ATP11C: variants seen among roughly 807,000 people sequenced by gnomAD.
ATP11C encodes the protein ATPase phospholipid transporting 11C (ATP11C blood group).
In ATP11C, 36 loss-of-function variants were observed where a neutral mutation model predicts 97.4. The observed-to-expected ratio is 0.37, with a 90% CI of 0.28 to 0.49. The LOEUF (loss-of-function observed/expected upper bound fraction) is 0.49, where lower values mean the gene tolerates loss of function less well. Ranked by LOEUF, ATP11C falls within the 20% of genes least tolerant of loss-of-function variation. The pLI is 0.98. For missense variants in ATP11C, 730 were observed against 824.6 expected (o/e 0.89, Z 1.40); for synonymous variants, 275 against 290.9 (o/e 0.95, Z 0.56).
Position 139,925,011 on chromosome X carries a change from T to C in ATP11C, c.27+7005A>G, listed in dbSNP as rs758778050. Among the ~76,000 whole-genome samples the C allele has an allele frequency of 7.1e-5, 8 of 112,127 alleles. No homozygotes were observed. The South Asian group carries it at 2.6e-3, about 37-fold the overall frequency. ...CTGTCACAATTGGTATAGTGTTGAA[T>C]AGTCTACCAAACGTTTTTTTCAACA... On this transcript the variant is annotated intron_variant, in intron 1 of 29. Coordinates refer to ENST00000682941, the MANE Select transcript of ATP11C (RefSeq NM_001353812.2).
intron 1 of ATP11C, among the ~76,000 whole-genome samples, chrX:139,860,066 C>G (rs1396492221): frequency 1.4e-5 from 1 of 69,059 alleles, no homozygotes; most frequent in Non-Finnish European, 2.1e-5. Flanking sequence ...GATCCCGCCA[C>G]TGCACTCCAG....
intron 1 of ATP11C, among the ~76,000 whole-genome samples, chrX:139,903,634 A>T (rs1015267088): frequency 7.3e-5 from 8 of 109,172 alleles, no homozygotes; most frequent in African/African-American, 1.7e-4. Context: ...TATAAAAAAA[A>T]TTTTTTTAAG....
chrX:139,918,495 C>T (rs1046746918), intron 1 of ATP11C, among the ~76,000 whole-genome samples: 4 of 99,802 alleles, frequency 4.0e-5, no homozygotes, highest in East Asian at 3.2e-4. Flanking sequence ...AACTATAATC[C>T]CATATAATCC....
intron 1 of ATP11C, among the ~76,000 whole-genome samples, chrX:139,897,044 A>C (rs1360081474): frequency 9.2e-6 from 1 of 109,273 alleles, no homozygotes; most frequent in Non-Finnish European, 1.9e-5. Context: ...CCTGGGCAAA[A>C]TGGTGACATC....
chrX:139,832,036 T>C, intron 1 of ATP11C: 1 of 761,298 alleles, frequency 1.3e-6, no homozygotes, highest in Non-Finnish European at 1.9e-6. Flanking sequence ...CCATTTACGA[T>C]TACCCTCAGG....
At chrX:139,836,588 A>G (rs2083753989) in intron 1 of ATP11C, among the ~76,000 whole-genome samples, 1 of 111,727 alleles carries the variant, frequency 9.0e-6, no homozygotes, top group Non-Finnish European at 1.9e-5. Flanking sequence ...ACCTCATGAA[A>G]AGTCACAAAG....
intron 1 of ATP11C, among the ~76,000 whole-genome samples, chrX:139,861,363 T>C (rs1232966510): frequency 2.7e-5 from 3 of 111,919 alleles, no homozygotes; most frequent in Admixed American, 9.5e-5. Context: ...AAATACTGAT[T>C]TTGGCCAAGT....
At chrX:139,802,157 G>T in intron 7 of ATP11C, 79 bp downstream of exon 7, 1 of 700,065 alleles carries the variant, frequency 1.4e-6, no homozygotes, top group Non-Finnish European at 2.3e-6. Flanking sequence ...GTAAGTGGTG[G>T]GTGTTTCTTT....
intron 1 of ATP11C, among the ~76,000 whole-genome samples, chrX:139,848,601 G>C (rs1410890950): frequency 1.8e-5 from 2 of 110,056 alleles, no homozygotes; most frequent in African/African-American, 6.6e-5. Context: ...CTGGGCTCAA[G>C]TGATCTTCCC....
chrX:139,826,892 A>G, intron 1 of ATP11C, 69 bp from the exon 2 acceptor site: 1 of 1,091,921 alleles, frequency 9.2e-7, no homozygotes, highest in South Asian at 2.2e-5. Context: ...CAAGCCCATA[A>G]TTCTTGTCCA....
intron 20 of ATP11C, among the ~76,000 whole-genome samples, chrX:139,766,352 G>A (rs775716089): frequency 3.6e-5 from 4 of 111,903 alleles, no homozygotes; most frequent in Admixed American, 9.5e-5. Flanking sequence ...GAACCCAGGT[G>A]AGCAATTTGA....
intron 12 of ATP11C, among the ~76,000 whole-genome samples, chrX:139,792,348 C>G (rs1016582061): frequency 1.8e-5 from 2 of 111,316 alleles, no homozygotes; most frequent in Non-Finnish European, 3.8e-5. Flanking sequence ...TTTGTCATAT[C>G]CTTTTATAAT....
intron 1 of ATP11C, among the ~76,000 whole-genome samples, chrX:139,919,378 G>A (rs889034807): frequency 7.4e-5 from 8 of 108,258 alleles, no homozygotes; most frequent in African/African-American, 2.7e-4. Flanking sequence ...GCTGAGAAGA[G>A]AATGGCTTGA....
chrX:139,764,772 T>G (rs1378927305), intron 20 of ATP11C, among the ~76,000 whole-genome samples: 1 of 112,016 alleles, frequency 8.9e-6, no homozygotes. Flanking sequence ...CCAATTCCAC[T>G]TAACACAAAA....
rs2082820638 is a variant in ATP11C, at chrX:139,797,228, T to C, written c.956A>G (p.Asn319Ser). 7 of 1,204,640 alleles carry C rather than the reference T, an allele frequency of 5.8e-6. No individual in the cohort carries two copies. Among genetic ancestry groups the C allele is most frequent in the East Asian group, 3.0e-5 (1 of 33,583 alleles). The part of the protein sequence containing the change: ...LKYVWQSTPY[N>S]DEPWYNQKTQ... The stretch of plus-strand genomic sequence containing the variant: ...CTTTTGGTTATACCAAGGTTCATCA[T>C]TGTATGGGGTACTTTGCCAAACATA... The change falls in exon 11 of 30, where the codon AAT (asparagine) becomes AGT (serine). Residue 319 changes from asparagine (N) to serine (S), a missense_variant. Asn to Ser is a conservative substitution (Grantham distance 46). Transcript: ENST00000682941.
At position 139,772,581 on chromosome X, in the gene ATP11C, C is replaced by G. The variant is rs1252789269; in HGVS notation, c.2216+2109G>C. Among the ~76,000 whole-genome samples the G allele has an allele frequency of 2.7e-5, 3 of 111,825 alleles. No homozygotes were observed. The Admixed American group carries it at 2.8e-4, about 11-fold the overall frequency. ...ACCCTGCAAGGCCACAGAGGCAGAG[C>G]TGCCCAAGACCATGGGAACCCACCT... On this transcript the variant is annotated intron_variant, in intron 19 of 29. Coordinates refer to ENST00000682941, the MANE Select transcript of ATP11C (RefSeq NM_001353812.2).
chrX:139,770,793 C>T (rs946411359), intron 19 of ATP11C, among the ~76,000 whole-genome samples: 6 of 111,709 alleles, frequency 5.4e-5, no homozygotes, highest in Non-Finnish European at 9.4e-5. Context: ...AAGTTTTCCA[C>T]AAGCCCTGGC....
intron 1 of ATP11C, among the ~76,000 whole-genome samples, chrX:139,844,052 A>G (rs1446251406): frequency 1.8e-5 from 2 of 112,060 alleles, no homozygotes; most frequent in East Asian, 5.6e-4. Context: ...TAACTAAAAA[A>G]CATATATACA....
At chrX:139,822,132 T>C (rs2083423375) in intron 2 of ATP11C, among the ~76,000 whole-genome samples, 1 of 112,655 alleles carries the variant, frequency 8.9e-6, no homozygotes, top group Admixed American at 9.4e-5. Flanking sequence ...AGCAGTTTTT[T>C]AGACACAATG....
Sources: allele counts gnomAD v4.1 joint callset (sites outside exome capture counted in the v4.1 genomes callset), GRCh38; gene constraint gnomAD v4.1.1; transcripts MANE v1.5; gene names NCBI Gene and HGNC (gene_info 2026-07-23, HGNC 2026-07-21).